The following PDCL variants were observed in gnomAD, a reference collection of about 807,000 sequenced individuals.
PDCL encodes the protein phosducin-like protein.
Under a neutral mutation model 26.7 loss-of-function variants are expected in PDCL, and 11 were observed. That is an observed-to-expected ratio of 0.41 (90% CI 0.26 to 0.68). PDCL has a LOEUF of 0.68. Ranked by LOEUF, PDCL falls within the 30% of genes least tolerant of loss-of-function variation. PDCL has a pLI of 0.30. For synonymous variants in PDCL, 118 were observed against 134.9 expected (o/e 0.87, Z 0.87); for missense variants, 330 against 371.6 (o/e 0.89, Z 0.92).
At chr9:122,826,116 CA>C (rs1317387088) in intron 2 of PDCL, among the ~76,000 whole-genome samples, 1 of 151,414 alleles carries the variant, frequency 6.6e-6, no homozygotes, top group East Asian at 1.9e-4. Context: ...CAAAACAAAA[CA>C]AAAAAAAGGT....
chr9:122,819,986 A>G lies in PDCL; in HGVS notation c.*99T>C. 1 of 1,001,552 alleles carries G rather than the reference A, an allele frequency of 1.0e-6. No individual in the cohort carries two copies. Among genetic ancestry groups the G allele is most frequent in the Non-Finnish European group, 1.5e-6 (1 of 675,460 alleles). 62.0% of individuals were successfully genotyped at this position (1,001,552 alleles called of 1,614,324 possible). A position where few individuals can be genotyped will look rare whatever the true frequency, so the allele number is the denominator to read the frequency against. ...TTTTATGCATAATAAAAGGGACTAC[A>G]AAGAACAGCTGAAAAGCCAGAAGAC... On this transcript the variant is annotated 3_prime_UTR_variant, in exon 4 of 4. Transcript: ENST00000259467.
At chr9:122,825,165 C>CTT (rs779305224) in intron 2 of PDCL, among the ~76,000 whole-genome samples, 2 of 145,508 alleles carry the variant, frequency 1.4e-5, no homozygotes, top group Non-Finnish European at 1.5e-5. Context: ...ATAGGAGAAT[C>CTT]TTTTTTTTTT....
Position 122,820,172 on chromosome 9 carries a change from T to C in PDCL, c.819A>G (p.Leu273=). 1.9e-6 allele frequency: 3 copies of C among 1,614,012 alleles called. No homozygotes were observed. The highest frequency in any genetic ancestry group is 2.5e-6 in the Non-Finnish European group (3 of 1,180,012). Reference sequence around the variant, plus strand: ...GCACCAAGACTTCCTTTTCTGGGAGTAATCCAAATTCCTGGAGAAAAGCTT... The same window carrying C: ...GCACCAAGACTTCCTTTTCTGGGAGCAATCCAAATTCCTGGAGAAAAGCTT... ...DLEAFLQEFG[L]LPEKEVLVLT... The change falls in exon 4 of 4, where the codon TTA becomes TTG. Residue 273 remains leucine (L), a synonymous_variant. Coordinates refer to ENST00000259467, the MANE Select transcript of PDCL (RefSeq NM_005388.5).
chr9:122,826,939 C>T (rs1267459430), intron 1 of PDCL, 147 bp from the exon 2 acceptor site: 5 of 682,590 alleles, frequency 7.3e-6, no homozygotes, highest in Non-Finnish European at 1.0e-5. Context: ...TAACAAATCC[C>T]TACCGTTACC....
intron 2 of PDCL, among the ~76,000 whole-genome samples, chr9:122,825,791 G>C (rs532271834): frequency 6.6e-6 from 1 of 152,120 alleles, no homozygotes; most frequent in African/African-American, 2.4e-5. Context: ...ATAAATATGG[G>C]CCCAGTGCAT....
intron 2 of PDCL, among the ~76,000 whole-genome samples, chr9:122,825,980 C>G (rs1829619550): frequency 6.6e-6 from 1 of 152,086 alleles, no homozygotes; most frequent in Admixed American, 6.6e-5. Context: ...AAGAGAGGAA[C>G]CTCATGGAAG....
intron 3 of PDCL, 33 bp from the exon 4 acceptor site, chr9:122,820,669 G>C: frequency 6.4e-7 from 1 of 1,558,036 alleles, no homozygotes; most frequent in Non-Finnish European, 8.7e-7. Context: ...GCATAAATAT[G>C]AAAACTGAAC....
rs1829516648 is a variant in PDCL, at chr9:122,818,739, A to G, written c.*1346T>C. On this transcript the variant is annotated 3_prime_UTR_variant, in exon 4 of 4. Coordinates refer to ENST00000259467, the MANE Select transcript of PDCL (RefSeq NM_005388.5). ...CTAGAATATACATTTTTAAAGTTAA[A>G]AAAAGGAAAAAAACGCAAATGATAA... is the stretch of plus-strand genomic sequence containing the variant. 1 of 152,072 alleles carries G rather than the reference A, an allele frequency of 6.6e-6. No individual in the cohort carries two copies. The highest frequency in any genetic ancestry group is 1.5e-5 in the Non-Finnish European group (1 of 67,998). 9.4% of individuals were successfully genotyped at this position (152,072 alleles called of 1,614,324 possible). A position where few individuals can be genotyped will look rare whatever the true frequency, so the allele number is the denominator to read the frequency against.
At chr9:122,828,311 G>A (rs988466764) in intron 1 of PDCL, among the ~76,000 whole-genome samples, 160 bp downstream of exon 1, 3 of 152,148 alleles carry the variant, frequency 2.0e-5, no homozygotes, top group Admixed American at 6.5e-5. Context: ...AAGGGCCCGG[G>A]GGAGGTGGGG....
intron 1 of PDCL, among the ~76,000 whole-genome samples, chr9:122,827,066 T>C (rs1036711961): frequency 1.3e-5 from 2 of 152,160 alleles, no homozygotes; most frequent in Admixed American, 1.3e-4. Flanking sequence ...ACCCCAGGGA[T>C]TCCTGACTCC....
intron 3 of PDCL, among the ~76,000 whole-genome samples, chr9:122,821,397 C>T (rs1049038606): frequency 5.3e-5 from 8 of 151,898 alleles, no homozygotes; most frequent in Non-Finnish European, 1.0e-4. Flanking sequence ...ATAACCCCTG[C>T]CCCACACCAT....
intron 2 of PDCL, among the ~76,000 whole-genome samples, chr9:122,826,408 G>A (rs1159669490): frequency 1.3e-5 from 2 of 152,182 alleles, no homozygotes; most frequent in African/African-American, 2.4e-5. Context: ...AGGCCAGTCT[G>A]TGTTCATTAC....
chr9:122,821,125 T>C (rs1390461749), intron 3 of PDCL, among the ~76,000 whole-genome samples: 3 of 152,192 alleles, frequency 2.0e-5, no homozygotes, highest in Non-Finnish European at 4.4e-5. Flanking sequence ...AAGGGACTTT[T>C]AATAGCCCCA....
chr9:122,822,830 A>G (rs1200581984), intron 3 of PDCL, among the ~76,000 whole-genome samples, 186 bp downstream of exon 3: 1 of 152,228 alleles, frequency 6.6e-6, no homozygotes, highest in African/African-American at 2.4e-5. Flanking sequence ...AGACTCTCCC[A>G]CAGTCACTAG....
intron 3 of PDCL, among the ~76,000 whole-genome samples, chr9:122,822,553 G>A (rs887821450): frequency 5.9e-5 from 9 of 152,120 alleles, no homozygotes; most frequent in Non-Finnish European, 8.8e-5. Context: ...GAACCCTAGC[G>A]CCTACTAGAA....
At chr9:122,828,146 C>T (rs1385871037) in intron 1 of PDCL, among the ~76,000 whole-genome samples, 4 of 152,120 alleles carry the variant, frequency 2.6e-5, no homozygotes, top group Non-Finnish European at 5.9e-5. Context: ...GCGGGGGACA[C>T]AGCAGCGGCG....
At chr9:122,822,072 A>G (rs1185145870) in intron 3 of PDCL, among the ~76,000 whole-genome samples, 1 of 152,182 alleles carries the variant, frequency 6.6e-6, no homozygotes, top group Admixed American at 6.5e-5. Context: ...GGCTAAGTGT[A>G]ATGTCCTAAA....
chr9:122,822,389 T>TAAA (rs754227915), intron 3 of PDCL, among the ~76,000 whole-genome samples: 1 of 133,524 alleles, frequency 7.5e-6, no homozygotes, highest in African/African-American at 2.8e-5. Flanking sequence ...CTGTCTCTAT[T>TAAA]AAAAAAAAAA....
intron 1 of PDCL, among the ~76,000 whole-genome samples, chr9:122,828,004 A>G (rs528193112): frequency 3.3e-5 from 5 of 152,248 alleles, no homozygotes; most frequent in Admixed American, 1.3e-4. Context: ...AATTTGCTAA[A>G]CTCGCAGCCT....
Sources: gnomAD v4.1 joint callset for allele counts (sites outside exome capture counted in the v4.1 genomes callset) on GRCh38, gnomAD v4.1.1 for gene constraint, MANE v1.5 for transcripts, NCBI Gene and HGNC (gene_info 2026-07-23, HGNC 2026-07-21) for gene names.